Variants in AUTS2 observed in about 807,000 individuals in gnomAD.
The protein encoded by AUTS2 is autism susceptibility gene 2 protein.
AUTS2 carries 17 observed loss-of-function variants against 112.4 expected under a neutral mutation model. The observed-to-expected ratio is 0.15, with a 90% CI of 0.10 to 0.23. The LOEUF (loss-of-function observed/expected upper bound fraction) is 0.23, where lower values mean the gene tolerates loss of function less well. Among genes scored for constraint, AUTS2 ranks in the 10% least tolerant of loss-of-function variants. AUTS2 has a pLI of 1.00. For synonymous variants in AUTS2, 751 were observed against 702.7 expected (o/e 1.07, Z -1.09); for missense variants, 1,510 against 1,701.6 (o/e 0.89, Z 1.98).
At chr7:69,833,212 C>T (rs899585177) in intron 1 of AUTS2, among the ~76,000 whole-genome samples, 1 of 152,020 alleles carries the variant, frequency 6.6e-6, no homozygotes, top group Non-Finnish European at 1.5e-5. Flanking sequence ...GTTACCGGTC[C>T]GGGAACCACC....
intron 1 of AUTS2, among the ~76,000 whole-genome samples, chr7:69,733,828 CTTT>C (rs1357434131): frequency 1.3e-5 from 2 of 152,136 alleles, no homozygotes; most frequent in African/African-American, 4.8e-5. Flanking sequence ...TCCTTATCTT[CTTT>C]GAGGTTTTTT....
At chr7:70,604,716 C>A (rs150437776) in intron 5 of AUTS2, among the ~76,000 whole-genome samples, 1 of 152,168 alleles carries the variant, frequency 6.6e-6, no homozygotes, top group East Asian at 1.9e-4. Flanking sequence ...AAAGGAGAAC[C>A]GAACCACTCA....
intron 4 of AUTS2, among the ~76,000 whole-genome samples, chr7:70,343,480 G>T (rs1791362387): frequency 6.6e-6 from 1 of 152,210 alleles, no homozygotes; most frequent in Non-Finnish European, 1.5e-5. Flanking sequence ...CGCATGGATG[G>T]AAAGACACTA....
intron 5 of AUTS2, among the ~76,000 whole-genome samples, chr7:70,578,351 G>A (rs780113134): frequency 2.6e-5 from 4 of 152,202 alleles, no homozygotes; most frequent in Admixed American, 6.5e-5. Context: ...AGGCTAAATC[G>A]ATTAGTGATG....
intron 4 of AUTS2, among the ~76,000 whole-genome samples, chr7:70,283,849 AAGG>A (rs976251181): frequency 4.9e-4 from 74 of 152,278 alleles, no homozygotes; most frequent in African/African-American, 1.7e-3. Context: ...AAAGGAAAGA[AAGG>A]AGGGAGGGAG....
intron 1 of AUTS2, among the ~76,000 whole-genome samples, chr7:69,635,402 A>G (rs1305188206): frequency 6.6e-6 from 1 of 152,238 alleles, no homozygotes; most frequent in Non-Finnish European, 1.5e-5. Flanking sequence ...CTGAAAATAC[A>G]TCTGAGAATA....
At position 70,123,891 on chromosome 7, in the gene AUTS2, G is replaced by A. The variant is rs147267785; in HGVS notation, c.624+5658G>A. 1.8e-3 allele frequency among the ~76,000 whole-genome samples: 272 copies of A among 152,238 alleles called. 1 individual carries two copies. The highest frequency in any genetic ancestry group is 6.0e-3 in the African/African-American group (249 of 41,536). ...AGTAATGGGATTGCTGGGTCAAATG[G>A]TAGTTATGCTTTTAGCTTTTGAGGA... On this transcript the variant is annotated intron_variant, in intron 3 of 18. Transcript: ENST00000342771.
intron 4 of AUTS2, among the ~76,000 whole-genome samples, chr7:70,213,666 G>C (rs1049402528): frequency 3.9e-5 from 6 of 152,142 alleles, no homozygotes; most frequent in African/African-American, 1.4e-4. Context: ...TCATACACTG[G>C]AATGAGCTCT....
At chr7:69,614,044 C>T (rs1341164104) in intron 1 of AUTS2, among the ~76,000 whole-genome samples, 4 of 152,162 alleles carry the variant, frequency 2.6e-5, no homozygotes, top group Admixed American at 2.6e-4. Context: ...AGATTTACTT[C>T]TTAAGGAAAT....
chr7:70,351,185 G>C (rs1791740927), intron 4 of AUTS2, among the ~76,000 whole-genome samples: 1 of 151,970 alleles, frequency 6.6e-6, no homozygotes, highest in Non-Finnish European at 1.5e-5. Flanking sequence ...CGAATAGCTG[G>C]GATTACAGGC....
intron 5 of AUTS2, among the ~76,000 whole-genome samples, chr7:70,602,490 C>T (rs1032448232): frequency 2.6e-5 from 4 of 152,184 alleles, no homozygotes; most frequent in Admixed American, 6.5e-5. Context: ...TCCAGGTCTC[C>T]GGATGCCAGG....
chr7:70,527,729 A>G (rs1252209147), intron 5 of AUTS2, among the ~76,000 whole-genome samples: 1 of 152,230 alleles, frequency 6.6e-6, no homozygotes. Flanking sequence ...GGAAGTTGTT[A>G]TGGCAACCTC....
chr7:70,328,082 T>C (rs1017792509), intron 4 of AUTS2, among the ~76,000 whole-genome samples: 7 of 152,238 alleles, frequency 4.6e-5, no homozygotes, highest in Non-Finnish European at 1.0e-4. Context: ...AGGATTCTTA[T>C]CTGACAAATT....
At chr7:69,850,952 A>G (rs928454545) in intron 1 of AUTS2, among the ~76,000 whole-genome samples, 1 of 152,176 alleles carries the variant, frequency 6.6e-6, no homozygotes, top group South Asian at 2.1e-4. Context: ...ATTGGCTCCT[A>G]TGTCTTCATC....
intron 4 of AUTS2, among the ~76,000 whole-genome samples, chr7:70,375,301 A>G (rs1046480233): frequency 6.6e-6 from 1 of 152,134 alleles, no homozygotes; most frequent in African/African-American, 2.4e-5. Context: ...ATTCCATTGG[A>G]GGTCATTGAA....
intron 1 of AUTS2, among the ~76,000 whole-genome samples, chr7:69,703,793 T>C (rs1797931980): frequency 6.6e-6 from 1 of 152,244 alleles, no homozygotes; most frequent in Non-Finnish European, 1.5e-5. Flanking sequence ...AGAGATTGTT[T>C]ATTGGTCAAG....
At chr7:69,794,761 G>A (rs560368019) in intron 1 of AUTS2, among the ~76,000 whole-genome samples, 57 of 152,032 alleles carry the variant, frequency 3.7e-4, no homozygotes, top group Non-Finnish European at 6.9e-4. Context: ...CTGAGGGGAC[G>A]GTCAGTGTTA....
At chr7:70,111,603 C>A (rs2129571475) in intron 2 of AUTS2, among the ~76,000 whole-genome samples, 1 of 152,178 alleles carries the variant, frequency 6.6e-6, no homozygotes, top group Non-Finnish European at 1.5e-5. Flanking sequence ...GTGGGCTATA[C>A]TTTAATATAT....
chr7:70,274,611 T>TGTGA (rs1192415633), intron 4 of AUTS2, among the ~76,000 whole-genome samples: 1 of 152,022 alleles, frequency 6.6e-6, no homozygotes, highest in Non-Finnish European at 1.5e-5. Flanking sequence ...TTGTTATTGT[T>TGTGA]GTGAGTGAGT....
Sources: allele counts gnomAD v4.1 joint callset (sites outside exome capture counted in the v4.1 genomes callset), GRCh38; gene constraint gnomAD v4.1.1; transcripts MANE v1.5; gene names NCBI Gene and HGNC (gene_info 2026-07-23, HGNC 2026-07-21).